The following AFG2A variants were observed in gnomAD, a reference collection of about 807,000 sequenced individuals.
AFG2A encodes ATPase family gene 2 protein homolog A.
the AFG2A span, among the ~76,000 whole-genome samples, chr4:123,227,482 C>G: frequency 6.6e-6 from 1 of 152,144 alleles, no homozygotes; most frequent in Non-Finnish European, 1.5e-5. Flanking sequence ...AGTAGTCATT[C>G]AGGAGCAGGT....
chr4:123,006,067 T>G, the AFG2A span, among the ~76,000 whole-genome samples: 350 of 151,978 alleles, frequency 2.3e-3, 2 homozygotes, highest in African/African-American at 8.0e-3. Context: ...CTTTAACATT[T>G]CCTATAATGC....
chr4:123,227,089 A>C, the AFG2A span, among the ~76,000 whole-genome samples: 1 of 151,210 alleles, frequency 6.6e-6, no homozygotes, highest in African/African-American at 2.4e-5. Context: ...CATCTATTTG[A>C]TTCTTCTCTC....
chr4:123,302,488 GC>G, the AFG2A span, among the ~76,000 whole-genome samples: 1 of 152,120 alleles, frequency 6.6e-6, no homozygotes, highest in African/African-American at 2.4e-5. Context: ...AGCAGGAGCT[GC>G]CTCTGTGTCT....
chr4:123,318,148 T>G, the AFG2A span: 23 of 152,326 alleles, frequency 1.5e-4, no homozygotes, highest in African/African-American at 5.0e-4. Context: ...CACAACCCCA[T>G]GTTTCTGGAA....
chr4:122,981,457 C>A, the AFG2A span, among the ~76,000 whole-genome samples: 1 of 111,300 alleles, frequency 9.0e-6, no homozygotes, highest in Non-Finnish European at 1.8e-5. Context: ...AGTGTGATGC[C>A]TACAGCTTTT....
At chr4:123,024,699 C>T in the AFG2A span, among the ~76,000 whole-genome samples, 4 of 152,236 alleles carry the variant, frequency 2.6e-5, no homozygotes, top group Admixed American at 6.5e-5. Context: ...ACCTCTGGAA[C>T]ATCATCTTCT....
At chr4:122,968,447 A>C in the AFG2A span, among the ~76,000 whole-genome samples, 3 of 152,282 alleles carry the variant, frequency 2.0e-5, no homozygotes, top group Non-Finnish European at 4.4e-5. Flanking sequence ...CCAGCCCTAC[A>C]TGCTCACCTC....
At chr4:122,943,104 A>G in the AFG2A span, among the ~76,000 whole-genome samples, 1 of 152,118 alleles carries the variant, frequency 6.6e-6, no homozygotes, top group African/African-American at 2.4e-5. Context: ...AAAAGAATGT[A>G]TATTCTGTTG....
At chr4:123,017,856 TA>T in the AFG2A span, among the ~76,000 whole-genome samples, 10 of 152,124 alleles carry the variant, frequency 6.6e-5, no homozygotes, top group Non-Finnish European at 1.2e-4. Context: ...TCCCTGGTGG[TA>T]AAAAACTTGG....
chr4:122,943,756 T>G, the AFG2A span, among the ~76,000 whole-genome samples: 2 of 152,246 alleles, frequency 1.3e-5, no homozygotes, highest in African/African-American at 2.4e-5. Flanking sequence ...TTTGGCATGA[T>G]TTTGCAGCAG....
chr4:122,939,458 C>A, the AFG2A span, among the ~76,000 whole-genome samples: 1 of 152,022 alleles, frequency 6.6e-6, no homozygotes, highest in Non-Finnish European at 1.5e-5. Context: ...AGAGAATAGG[C>A]ATGAACAAAA....
At chr4:122,972,470 T>C in the AFG2A span, among the ~76,000 whole-genome samples, 1 of 151,828 alleles carries the variant, frequency 6.6e-6, no homozygotes, top group African/African-American at 2.4e-5. Flanking sequence ...TTTCCCTCCT[T>C]CTTTTTTCTT....
At chr4:123,153,209 C>T in the AFG2A span, among the ~76,000 whole-genome samples, 5 of 152,190 alleles carry the variant, frequency 3.3e-5, no homozygotes, top group African/African-American at 4.8e-5. Flanking sequence ...GTAGCACCTT[C>T]GAACTCTTCC....
chr4:123,187,211 G>A, the AFG2A span, among the ~76,000 whole-genome samples: 1 of 152,120 alleles, frequency 6.6e-6, no homozygotes, highest in Admixed American at 6.5e-5. Flanking sequence ...GTTCTTTATG[G>A]TGTGCATTTG....
the AFG2A span, among the ~76,000 whole-genome samples, chr4:123,149,959 T>C: frequency 6.6e-6 from 1 of 151,976 alleles, no homozygotes; most frequent in South Asian, 2.1e-4. Context: ...GGCACACGCC[T>C]GTAGTTCAAC....
chr4:123,061,024 C>T, the AFG2A span, among the ~76,000 whole-genome samples: 1 of 152,168 alleles, frequency 6.6e-6, no homozygotes, highest in East Asian at 1.9e-4. Context: ...CAGTTTCCAA[C>T]ATGTTCCTCA....
At chr4:123,087,522 T>C in the AFG2A span, among the ~76,000 whole-genome samples, 2 of 152,162 alleles carry the variant, frequency 1.3e-5, no homozygotes, top group Non-Finnish European at 2.9e-5. Context: ...AATGGGTACT[T>C]TTCCTTCCTC....
chr4:123,003,150 C>T, the AFG2A span, among the ~76,000 whole-genome samples: 1 of 152,214 alleles, frequency 6.6e-6, no homozygotes, highest in Non-Finnish European at 1.5e-5. Flanking sequence ...TGGCTTTCAG[C>T]TTCATCAGCT....
the AFG2A span, among the ~76,000 whole-genome samples, chr4:123,209,204 A>C: frequency 6.6e-6 from 1 of 152,138 alleles, no homozygotes; most frequent in African/African-American, 2.4e-5. Context: ...AGGTAAAACA[A>C]CCTGGGGCTT....
Sources: allele counts gnomAD v4.1 joint callset (sites outside exome capture counted in the v4.1 genomes callset), GRCh38; gene constraint gnomAD v4.1.1; transcripts MANE v1.5; gene names NCBI Gene and HGNC (gene_info 2026-07-23, HGNC 2026-07-21).